Variants in TRPC7 observed in about 807,000 individuals in gnomAD.
TRPC7 encodes short transient receptor potential channel 7.
Under a neutral mutation model 90.1 loss-of-function variants are expected in TRPC7, and 42 were observed. That is an observed-to-expected ratio of 0.47 (90% CI 0.36 to 0.60). TRPC7 has a LOEUF of 0.60. Among genes scored for constraint, TRPC7 ranks in the 20% least tolerant of loss-of-function variants. The pLI, the probability that TRPC7 is intolerant of heterozygous loss-of-function variation, is 0.00. For synonymous variants in TRPC7, 451 were observed against 436.3 expected (o/e 1.03, Z -0.42); for missense variants, 955 against 1,112.3 (o/e 0.86, Z 2.01).
intron 1 of TRPC7, among the ~76,000 whole-genome samples, chr5:136,358,771 C>T (rs548327851): frequency 6.6e-6 from 1 of 152,324 alleles, no homozygotes; most frequent in Admixed American, 6.5e-5. Flanking sequence ...CCAACTTGCA[C>T]ATCTTAAACT....
chr5:136,275,059 C>A (rs1757320400), intron 3 of TRPC7, among the ~76,000 whole-genome samples: 1 of 152,096 alleles, frequency 6.6e-6, no homozygotes, highest in Admixed American at 6.6e-5. Flanking sequence ...GCAAGACTGG[C>A]TGAATTCACA....
At chr5:136,323,414 G>A (rs1489407235) in intron 2 of TRPC7, among the ~76,000 whole-genome samples, 4 of 152,030 alleles carry the variant, frequency 2.6e-5, no homozygotes, top group Admixed American at 2.0e-4. Context: ...TTTTCTTAAT[G>A]CAAGGTCATA....
rs763591449 is a variant in TRPC7, at chr5:136,356,630, G to T, written c.758C>A (p.Ala253Asp). Residue 253 changes from alanine (A) to aspartate (D), a missense_variant, in exon 2 of 12, where the codon GCC becomes GAC. Physicochemically the swap from Ala to Asp is moderately radical, Grantham distance 126. This residue lies in a region of TRPC7 where 484 missense variants were observed against 509.6 expected (regional missense o/e 0.95). Coordinates refer to ENST00000513104, the MANE Select transcript of TRPC7 (RefSeq NM_020389.3). ...LELSNELARL[A>D]NIETEFKNDY... Reference sequence around the variant, plus strand: ...TACCTTAAATTCAGTCTCAATGTTGGCTAGTCTGGCTAACTCGTTGCTGAG... The same window carrying T: ...TACCTTAAATTCAGTCTCAATGTTGTCTAGTCTGGCTAACTCGTTGCTGAG... 10 of 1,543,036 alleles carry T rather than the reference G, an allele frequency of 6.5e-6. No individual in the cohort carries two copies. Among genetic ancestry groups the T allele is most frequent in the Non-Finnish European group, 6.1e-6 (7 of 1,144,554 alleles).
Position 136,365,332 on chromosome 5 carries a change from A to C in TRPC7, c.-78T>G. The C allele has an allele frequency of 6.9e-7, 1 of 1,446,000 alleles. No homozygotes were observed. The highest frequency in any genetic ancestry group is 2.5e-5 in the East Asian group (1 of 40,446). 89.6% of individuals were successfully genotyped at this position (1,446,000 alleles called of 1,614,324 possible). A position where few individuals can be genotyped will look rare whatever the true frequency, so the allele number is the denominator to read the frequency against. On this transcript the variant is annotated 5_prime_UTR_variant, in exon 1 of 12. The change abolishes an upstream ATG in the 5' untranslated region. Transcript: ENST00000513104. ...TTGAGTCGCCAGAAGCTGGCTCCCC[A>C]TGGGTGGTAGCCAAGGATGTACCGC... is the stretch of plus-strand genomic sequence containing the variant.
At chr5:136,261,189 A>G (rs529786804) in intron 5 of TRPC7, among the ~76,000 whole-genome samples, 1 of 152,254 alleles carries the variant, frequency 6.6e-6, no homozygotes, top group Non-Finnish European at 1.5e-5. Context: ...TCTCTCAGTT[A>G]TTACTATTTT....
chr5:136,338,397 G>C (rs1314085443), intron 2 of TRPC7, among the ~76,000 whole-genome samples: 1 of 152,100 alleles, frequency 6.6e-6, no homozygotes, highest in Non-Finnish European at 1.5e-5. Context: ...ACAATAACTA[G>C]AGCTTGTATC....
intron 2 of TRPC7, among the ~76,000 whole-genome samples, chr5:136,337,870 A>C (rs144129139): frequency 1.3e-5 from 2 of 152,186 alleles, no homozygotes; most frequent in African/African-American, 4.8e-5. Flanking sequence ...TTCAAAGAGT[A>C]TGTAGAAGAA....
chr5:136,217,743 G>A (rs1561675400), intron 10 of TRPC7, among the ~76,000 whole-genome samples: 1 of 152,134 alleles, frequency 6.6e-6, no homozygotes, highest in Non-Finnish European at 1.5e-5. Context: ...CAAGCTAGGT[G>A]CAGTGGCTCA....
At chr5:136,274,921 T>G in intron 3 of TRPC7, 84 bp from the exon 4 acceptor site, 1 of 1,407,198 alleles carries the variant, frequency 7.1e-7, no homozygotes, top group Non-Finnish European at 9.5e-7. Flanking sequence ...AACCTAGGAG[T>G]AGCTGGGGGC....
At chr5:136,269,656 T>C (rs1486523419) in intron 4 of TRPC7, among the ~76,000 whole-genome samples, 1 of 152,190 alleles carries the variant, frequency 6.6e-6, no homozygotes, top group African/African-American at 2.4e-5. Context: ...AGAAACTGAG[T>C]GAAAGTAAAC....
chr5:136,331,225 T>C (rs1759490476), intron 2 of TRPC7, among the ~76,000 whole-genome samples: 2 of 152,192 alleles, frequency 1.3e-5, no homozygotes, highest in African/African-American at 4.8e-5. Context: ...AATTAAGCAC[T>C]CTCTCTACCT....
intron 2 of TRPC7, among the ~76,000 whole-genome samples, chr5:136,324,223 G>T (rs776632927): frequency 6.6e-6 from 1 of 152,082 alleles, no homozygotes; most frequent in Non-Finnish European, 1.5e-5. Context: ...AGACAAACAT[G>T]TTGTCTGAAA....
intron 2 of TRPC7, 181 bp from the exon 3 acceptor site, chr5:136,315,960 C>T (rs1038228979): frequency 2.3e-5 from 14 of 616,068 alleles, no homozygotes; most frequent in East Asian, 8.4e-5. Context: ...TCTCTTGACA[C>T]GTGACCTGAA....
chr5:136,352,611 G>T (rs529972909), intron 2 of TRPC7, among the ~76,000 whole-genome samples: 21 of 152,262 alleles, frequency 1.4e-4, no homozygotes, highest in African/African-American at 5.1e-4. Context: ...TACACAGAGA[G>T]CGCATATTCC....
chr5:136,266,102 C>T, intron 5 of TRPC7, 118 bp downstream of exon 5: 1 of 885,046 alleles, frequency 1.1e-6, no homozygotes. Flanking sequence ...GTCATCCACT[C>T]ACCATTTTGT....
chr5:136,355,893 T>A (rs2546659), intron 2 of TRPC7, among the ~76,000 whole-genome samples: 101,176 of 152,136 alleles, frequency 0.67, 33,801 homozygotes, highest in Admixed American at 0.73. Context: ...GTGGAATGTC[T>A]GTTGACAATA....
At chr5:136,267,317 G>C (rs1757066455) in intron 4 of TRPC7, among the ~76,000 whole-genome samples, 1 of 152,088 alleles carries the variant, frequency 6.6e-6, no homozygotes, top group African/African-American at 2.4e-5. Flanking sequence ...AACTCAGTTG[G>C]GACTCTTCCA....
chr5:136,252,303 A>G (rs1756549948), intron 5 of TRPC7, among the ~76,000 whole-genome samples: 1 of 152,170 alleles, frequency 6.6e-6, no homozygotes, highest in Non-Finnish European at 1.5e-5. Context: ...TTCTACAGAA[A>G]TGCCCCAAGA....
Position 136,250,866 on chromosome 5 carries a change from A to G in TRPC7, c.1579+783T>C, listed in dbSNP as rs781557757. Among the ~76,000 whole-genome samples, 26 of 152,346 alleles carry G rather than the reference A, an allele frequency of 1.7e-4. No individual in the cohort carries two copies. In the Middle Eastern group the frequency reaches 0.014, roughly 80 times the overall value. On this transcript the variant is annotated intron_variant, in intron 6 of 11. Coordinates refer to ENST00000513104, the MANE Select transcript of TRPC7 (RefSeq NM_020389.3). ...AGCTTGGGGACATAACCACTATGCTATTCAGCATGATTTTCAAATCATGTC... is the reference window on the plus strand; with the variant it reads ...AGCTTGGGGACATAACCACTATGCTGTTCAGCATGATTTTCAAATCATGTC...
Sources: gnomAD v4.1 joint callset for allele counts (sites outside exome capture counted in the v4.1 genomes callset) on GRCh38, gnomAD v4.1.1 for gene constraint, gnomAD v4.1.1 regional missense constraint, MANE v1.5 for transcripts, NCBI Gene and HGNC (gene_info 2026-07-23, HGNC 2026-07-21) for gene names.